Variants in GALNT18 observed in about 807,000 individuals in gnomAD.
GALNT18 encodes GalNAc-transferase 18.
Under a neutral mutation model 69.5 loss-of-function variants are expected in GALNT18, and 44 were observed. The ratio of observed to expected loss-of-function variants is 0.63; its 90% CI spans 0.50 to 0.81. The LOEUF is 0.81. Ranked by LOEUF, GALNT18 falls within the 40% of genes least tolerant of loss-of-function variation. The pLI is 0.00. For missense variants in GALNT18, 715 were observed against 810.0 expected, an observed-to-expected ratio of 0.88 and a Z score of 1.42; for synonymous variants, 364 against 318.2, an observed-to-expected ratio of 1.14 and a Z score of -1.53.
intron 8 of GALNT18, among the ~76,000 whole-genome samples, chr11:11,329,657 C>T (rs899470376): frequency 3.3e-5 from 5 of 152,186 alleles, no homozygotes; most frequent in South Asian, 2.1e-4. Flanking sequence ...CACTTGTCTG[C>T]CCTGTTAGTC....
chr11:11,593,866 G>A (rs1590125959), intron 1 of GALNT18, among the ~76,000 whole-genome samples: 3 of 152,322 alleles, frequency 2.0e-5, no homozygotes, highest in East Asian at 3.9e-4. Flanking sequence ...ATTTTCATAT[G>A]AGCCTCATGC....
chr11:11,382,478 A>T lies in GALNT18; in HGVS notation c.596-3214T>A, dbSNP rs905391717. 6.6e-6 allele frequency among the ~76,000 whole-genome samples: 1 copy of T among 152,180 alleles called. No homozygotes were observed. Among genetic ancestry groups the T allele is most frequent in the Non-Finnish European group, 1.5e-5 (1 of 68,042 alleles). On this transcript the variant is annotated intron_variant, in intron 3 of 10. Transcript: ENST00000227756. The surrounding 1 kb of genome is among the most constrained non-coding windows in gnomAD (Gnocchi z 4.3). The stretch of plus-strand genomic sequence containing the variant: ...ATTTTATATACACATAAACACACAC[A>T]CATACCTGTTCACATATAATATCTC...
At chr11:11,310,960 C>T (rs10741542) in intron 9 of GALNT18, among the ~76,000 whole-genome samples, 81,703 of 151,934 alleles carry the variant, frequency 0.54, 21,980 homozygotes, top group Middle Eastern at 0.63. Flanking sequence ...CGCTCAATGC[C>T]GCCAGCCATT....
chr11:11,348,280 A>G (rs1850337262), intron 6 of GALNT18, among the ~76,000 whole-genome samples: 2 of 151,290 alleles, frequency 1.3e-5, no homozygotes. Context: ...CAGGAGGCTC[A>G]GGCAGGAGAA....
rs1216497823 is a variant in GALNT18 at position 11,582,038 on chromosome 11, G to T, written c.235+39321C>A. Among the ~76,000 whole-genome samples the T allele has an allele frequency of 6.6e-6, 1 of 151,952 alleles. No homozygotes were observed. Among genetic ancestry groups the T allele is most frequent in the Non-Finnish European group, 1.5e-5 (1 of 68,008 alleles). ...TCTAGTATTTCCTAGTATACATGAG[G>T]TTCCATGTATACTGTGTATTAGGAA... On this transcript the variant is annotated intron_variant, in intron 1 of 10. Coordinates refer to ENST00000227756, the MANE Select transcript of GALNT18 (RefSeq NM_198516.3). The surrounding 1 kb of genome is among the most constrained non-coding windows in gnomAD (Gnocchi z 5.0).
At chr11:11,381,520 T>C (rs1043518443) in intron 3 of GALNT18, among the ~76,000 whole-genome samples, 1 of 152,194 alleles carries the variant, frequency 6.6e-6, no homozygotes, top group South Asian at 2.1e-4. Flanking sequence ...TGGTCTCCTA[T>C]GAATTTCACC....
At chr11:11,475,236 GCACAA>G (rs1564967715) in intron 1 of GALNT18, 1 of 152,000 alleles carries the variant, frequency 6.6e-6, no homozygotes, top group Non-Finnish European at 1.5e-5. Flanking sequence ...CTTTCTACCT[GCACAA>G]CACATCTTGT....
At chr11:11,472,019 A>G (rs1334726428) in intron 1 of GALNT18, among the ~76,000 whole-genome samples, 1 of 152,258 alleles carries the variant, frequency 6.6e-6, no homozygotes, top group Admixed American at 6.5e-5. Flanking sequence ...AGCCACTTGC[A>G]GGAAACAATT....
intron 6 of GALNT18, among the ~76,000 whole-genome samples, chr11:11,365,155 A>G (rs1850734877): frequency 6.6e-6 from 1 of 151,214 alleles, no homozygotes; most frequent in East Asian, 1.9e-4. Context: ...TCAACCCCCA[A>G]CCCCCTACAG....
In GALNT18 at chr11:11,546,724, C is replaced by A. The variant is rs565658074; in HGVS notation, c.235+74635G>T. Among the ~76,000 whole-genome samples, 31 of 152,158 alleles carry A rather than the reference C, an allele frequency of 2.0e-4. No homozygotes were observed. Among genetic ancestry groups the A allele is most frequent in the Middle Eastern group, 3.4e-3 (1 of 294 alleles). Reference sequence around the variant, plus strand: ...CCTTGGTATCTACTGCAGTAGATACCCCGAATGTTGATGATGTCTTCCAGG... The same window carrying A: ...CCTTGGTATCTACTGCAGTAGATACACCGAATGTTGATGATGTCTTCCAGG... On this transcript the variant is annotated intron_variant, in intron 1 of 10. Coordinates refer to ENST00000227756, the MANE Select transcript of GALNT18 (RefSeq NM_198516.3). The surrounding 1 kb of genome is among the most constrained non-coding windows in gnomAD (Gnocchi z 5.8).
In GALNT18 at chr11:11,314,383, T is replaced by A. The variant is rs1247663015; in HGVS notation, c.1512+12703A>T. On this transcript the variant is annotated intron_variant, in intron 9 of 10. Transcript: ENST00000227756. The surrounding 1 kb of genome is among the most constrained non-coding windows in gnomAD (Gnocchi z 5.2). ...AATGAATAACAAATCAAGCAGCTCC[T>A]TTTTTTTTTTTTAGCATGGAAGCTG... Among the ~76,000 whole-genome samples the A allele has an allele frequency of 1.5e-3, 4 of 2,598 alleles. No homozygotes were observed. Among genetic ancestry groups the A allele is most frequent in the Non-Finnish European group, 2.6e-3 (3 of 1,158 alleles). 1.7% of individuals were successfully genotyped at this position (2,598 alleles called of 152,430 possible). A position where few individuals can be genotyped will look rare whatever the true frequency, so the allele number is the denominator to read the frequency against.
At chr11:11,358,826 A>AACACACACACAC (rs10644506) in intron 6 of GALNT18, among the ~76,000 whole-genome samples, 3,143 of 110,852 alleles carry the variant, frequency 0.028, 416 homozygotes, top group Middle Eastern at 0.041. Flanking sequence ...ATCCACACAA[A>AACACACACACAC]ACACACACAC....
At chr11:11,355,207 T>A (rs1850505672) in intron 6 of GALNT18, among the ~76,000 whole-genome samples, 1 of 152,226 alleles carries the variant, frequency 6.6e-6, no homozygotes, top group Non-Finnish European at 1.5e-5. Context: ...GAGCACTTAC[T>A]ATGTGCCAGT....
At position 11,590,678 on chromosome 11, in the gene GALNT18, C is replaced by T. The variant is rs888421584; in HGVS notation, c.235+30681G>A. On this transcript the variant is annotated intron_variant, in intron 1 of 10. Coordinates refer to ENST00000227756, the MANE Select transcript of GALNT18 (RefSeq NM_198516.3). This position sits in a 1 kb window ranked among gnomAD's most constrained non-coding sequence, Gnocchi z 4.4. ...TCTTGTACAGTCACCCACCGCATGA[C>T]GTTCGCTCAATGACAGAACACATAT... is the stretch of plus-strand genomic sequence containing the variant. Among the ~76,000 whole-genome samples the T allele has an allele frequency of 8.5e-5, 13 of 152,176 alleles. No homozygotes were observed. The highest frequency in any genetic ancestry group is 4.6e-4 in the Admixed American group (7 of 15,276).
chr11:11,377,360 G>A lies in GALNT18; in HGVS notation c.799C>T (p.Arg267Cys), dbSNP rs771778462. The A allele has an allele frequency of 5.6e-6, 9 of 1,613,716 alleles. No individual in the cohort carries two copies. The highest frequency in any genetic ancestry group is 3.3e-5 in the Admixed American group (2 of 60,010). Residue 267 changes from arginine to cysteine, a missense_variant, in exon 5 of 11, where the codon CGC (arginine) becomes TGC (cysteine). Coordinates refer to ENST00000227756, the MANE Select transcript of GALNT18 (RefSeq NM_198516.3). This position sits in a 1 kb window ranked among gnomAD's most constrained non-coding sequence, Gnocchi z 4.6. ...NVGWAEPVLT[R>C]IKENRKRIIS... ...ATCCGCTTCCGGTTCTCCTTGATGCGGGTGAGTACAGGTTCAGCCCTGGGC... is the reference window on the plus strand; with the variant it reads ...ATCCGCTTCCGGTTCTCCTTGATGCAGGTGAGTACAGGTTCAGCCCTGGGC...
At chr11:11,352,793 G>T (rs528214897) in intron 6 of GALNT18, 18 of 1,614,164 alleles carry the variant, frequency 1.1e-5, no homozygotes, top group Non-Finnish European at 9.3e-6. Flanking sequence ...AAACCAAGGC[G>T]GGGGTTCGTG....
At position 11,320,684 on chromosome 11, in the gene GALNT18, C is replaced by T. The variant is rs1403211190; in HGVS notation, c.1512+6402G>A. The stretch of plus-strand genomic sequence containing the variant: ...TTTGGGAAGCCTTGCCAGACAGCAG[C>T]CCCTTACCTTTCACTCATCCCCTGC... On this transcript the variant is annotated intron_variant, in intron 9 of 10. Transcript: ENST00000227756. The surrounding 1 kb of genome is among the most constrained non-coding windows in gnomAD (Gnocchi z 4.9). 6.6e-6 allele frequency among the ~76,000 whole-genome samples: 1 copy of T among 152,156 alleles called. No homozygotes were observed. The highest frequency in any genetic ancestry group is 1.5e-5 in the Non-Finnish European group (1 of 68,018).
chr11:11,519,927 G>A (rs894837656), intron 1 of GALNT18, among the ~76,000 whole-genome samples: 3 of 152,234 alleles, frequency 2.0e-5, no homozygotes, highest in African/African-American at 7.2e-5. Flanking sequence ...GCCTGACAGA[G>A]GTGGGTTTTT....
chr11:11,549,635 T>C (rs1036258048), intron 1 of GALNT18, among the ~76,000 whole-genome samples: 30 of 152,252 alleles, frequency 2.0e-4, no homozygotes, highest in African/African-American at 6.3e-4. Context: ...CTAGCTTTTC[T>C]GGCCTACAGC....
Sources: gnomAD v4.1 joint callset for allele counts (sites outside exome capture counted in the v4.1 genomes callset) on GRCh38, gnomAD v4.1.1 for gene constraint, Gnocchi (gnomAD v3.1) non-coding constraint, MANE v1.5 for transcripts, NCBI Gene and HGNC (gene_info 2026-07-23, HGNC 2026-07-21) for gene names.